Variants in DISC1 observed in about 807,000 individuals in gnomAD.
The protein encoded by DISC1 is disrupted in schizophrenia 1 protein.
Under a neutral mutation model 84.5 loss-of-function variants are expected in DISC1, and 57 were observed. That is an observed-to-expected ratio of 0.67 (90% CI 0.55 to 0.84). DISC1 has a LOEUF of 0.84. DISC1 is among the 40% of genes least tolerant of loss of function. The pLI, the probability that DISC1 is intolerant of heterozygous loss-of-function variation, is 0.00. For synonymous variants in DISC1, 411 were observed against 415.2 expected, an observed-to-expected ratio of 0.99 and a Z score of 0.12; for missense variants, 1,000 against 1,057.8, an observed-to-expected ratio of 0.95 and a Z score of 0.76.
chr1:231,705,078 G>A (rs1458279622), intron 3 of DISC1, among the ~76,000 whole-genome samples: 1 of 151,558 alleles, frequency 6.6e-6, no homozygotes. Context: ...CATGAGGTCA[G>A]GAGTTTGAGA....
chr1:231,971,112 A>G (rs375546213), intron 10 of DISC1, among the ~76,000 whole-genome samples: 133 of 152,318 alleles, frequency 8.7e-4, no homozygotes, highest in Middle Eastern at 3.4e-3. Context: ...GTGAATGTTC[A>G]ATCTTAGATG....
At chr1:231,854,868 C>T (rs1335332329) in intron 9 of DISC1, 2 of 416,256 alleles carry the variant, frequency 4.8e-6, no homozygotes, top group East Asian at 8.5e-5. Flanking sequence ...AGGTGCCCGC[C>T]ACCATGCCTG....
chr1:232,004,867 G>GCCTCCCTC (rs1326597248), intron 10 of DISC1, among the ~76,000 whole-genome samples: 131 of 28,476 alleles, frequency 4.6e-3, no homozygotes, highest in African/African-American at 9.7e-3. Flanking sequence ...CTCCCTCCCT[G>GCCTCCCTC]CCTCCCTCCC....
chr1:231,725,265 A>G (rs1255997445), intron 3 of DISC1, among the ~76,000 whole-genome samples: 3 of 152,214 alleles, frequency 2.0e-5, no homozygotes, highest in Non-Finnish European at 4.4e-5. Flanking sequence ...GGAAACTGGC[A>G]AGACTTATTT....
intron 6 of DISC1, among the ~76,000 whole-genome samples, chr1:231,772,450 C>T (rs1364912668): frequency 6.6e-6 from 1 of 152,172 alleles, no homozygotes; most frequent in Non-Finnish European, 1.5e-5. Context: ...CTTCCTACAA[C>T]TCACCACCTG....
intron 3 of DISC1, among the ~76,000 whole-genome samples, chr1:231,710,240 G>A (rs922395749): frequency 2.0e-5 from 3 of 152,146 alleles, no homozygotes; most frequent in African/African-American, 7.2e-5. Context: ...TACTCGGAAG[G>A]TGGAGGTGGG....
intron 3 of DISC1, chr1:231,702,284 A>G: frequency 8.6e-7 from 1 of 1,168,156 alleles, no homozygotes; most frequent in Non-Finnish European, 1.1e-6. Context: ...AATAAAAATT[A>G]TATTAGCTTG....
At chr1:232,015,389 C>A (rs1474732198) in intron 11 of DISC1, among the ~76,000 whole-genome samples, 1 of 152,134 alleles carries the variant, frequency 6.6e-6, no homozygotes, top group Non-Finnish European at 1.5e-5. Flanking sequence ...TTCACTGGTG[C>A]AGTCTGAGGG....
In DISC1 at chr1:231,693,976, G is replaced by T; in HGVS notation, c.218G>T (p.Gly73Val). 1 of 1,614,076 alleles carries T rather than the reference G, an allele frequency of 6.2e-7. No homozygotes were observed. ...TTCCGGTTCCCAGGAGGGGTGTCTG[G>T]CGAGGAGTCCCACCACTCGGAGTCC... ...TLFRFPGGVS[G>V]EESHHSESRA... Residue 73 changes from glycine (G) to valine (V), a missense_variant, in exon 2 of 13, where the codon GGC becomes GTC. By Grantham distance (109) the Gly-to-Val change is moderately radical. This residue lies in a region of DISC1 where 292 missense variants were observed against 280.2 expected (regional missense o/e 1.04). Transcript: ENST00000439617.
At chr1:231,629,977 G>A (rs1244461313) in intron 1 of DISC1, among the ~76,000 whole-genome samples, 2 of 152,292 alleles carry the variant, frequency 1.3e-5, no homozygotes, top group African/African-American at 4.8e-5. Flanking sequence ...CTGTCGCCAG[G>A]CTGGAGTGCA....
At chr1:232,007,964 C>T (rs821613) in intron 10 of DISC1, among the ~76,000 whole-genome samples, 43,009 of 151,956 alleles carry the variant, frequency 0.28, 6,356 homozygotes, top group African/African-American at 0.33. Flanking sequence ...GCTCTTTCCC[C>T]CTGCGTTCTG....
chr1:231,669,233 T>G (rs1351121056), intron 1 of DISC1, among the ~76,000 whole-genome samples: 2 of 152,122 alleles, frequency 1.3e-5, no homozygotes, highest in East Asian at 3.8e-4. Context: ...TGTCTTTATG[T>G]TGGTGTACAA....
chr1:231,954,006 C>A lies in DISC1; in HGVS notation c.1982-4822C>A, dbSNP rs980209479. ...ATGCAAGGGATACAATTCATTGAAA[C>A]CTCGTTGGACTTCCTCCCACTTAAC... On this transcript the variant is annotated intron_variant, in intron 9 of 12. Coordinates refer to ENST00000439617, the MANE Select transcript of DISC1 (RefSeq NM_018662.3). The surrounding 1 kb of genome is among the most constrained non-coding windows in gnomAD (Gnocchi z 4.8). Among the ~76,000 whole-genome samples the A allele has an allele frequency of 6.6e-6, 1 of 152,208 alleles. No homozygotes were observed. The highest frequency in any genetic ancestry group is 2.4e-5 in the African/African-American group (1 of 41,444).
intron 10 of DISC1, among the ~76,000 whole-genome samples, chr1:231,966,636 A>G (rs902039278): frequency 6.6e-6 from 1 of 152,246 alleles, no homozygotes; most frequent in Non-Finnish European, 1.5e-5. Context: ...TGCATGACTA[A>G]TGTGAACATT....
intron 3 of DISC1, among the ~76,000 whole-genome samples, chr1:231,713,909 G>A (rs1209844618): frequency 6.7e-6 from 1 of 150,098 alleles, no homozygotes; most frequent in East Asian, 1.9e-4. Flanking sequence ...TGCACTGCAA[G>A]TTATAGTCAG....
intron 1 of DISC1, among the ~76,000 whole-genome samples, chr1:231,638,046 C>T (rs2059339503): frequency 6.6e-6 from 1 of 152,188 alleles, no homozygotes; most frequent in African/African-American, 2.4e-5. Flanking sequence ...GCCATTCTGA[C>T]TGGCATAAGA....
In DISC1 at chr1:231,892,106, C is replaced by G. The variant is rs963435151; in HGVS notation, c.1982-66722C>G. Among the ~76,000 whole-genome samples, 12 of 152,224 alleles carry G rather than the reference C, an allele frequency of 7.9e-5. No homozygotes were observed. In the East Asian group the frequency reaches 1.9e-3, roughly 25 times the overall value. ...CAGTTGCTGGCATTGATTGCTCTAC[C>G]AAGAGAAAAATGCTGATACTTGACA... On this transcript the variant is annotated intron_variant, in intron 9 of 12. Transcript: ENST00000439617.
intron 4 of DISC1, among the ~76,000 whole-genome samples, chr1:231,764,796 A>G (rs780458982): frequency 6.6e-6 from 1 of 152,220 alleles, no homozygotes; most frequent in East Asian, 1.9e-4. Context: ...TCTCATTCTT[A>G]TTCCCTACTC....
intron 9 of DISC1, among the ~76,000 whole-genome samples, chr1:231,821,066 C>T (rs1174306838): frequency 6.6e-6 from 1 of 152,084 alleles, no homozygotes; most frequent in African/African-American, 2.4e-5. Flanking sequence ...CCACCGAGGT[C>T]AGAACATTGT....
Sources: gnomAD v4.1 joint callset for allele counts (sites outside exome capture counted in the v4.1 genomes callset) on GRCh38, gnomAD v4.1.1 for gene constraint, gnomAD v4.1.1 regional missense constraint, Gnocchi (gnomAD v3.1) non-coding constraint, MANE v1.5 for transcripts, NCBI Gene and HGNC (gene_info 2026-07-23, HGNC 2026-07-21) for gene names.